TRIM61: variants seen among roughly 807,000 people sequenced by gnomAD.
The protein encoded by TRIM61 is putative tripartite motif-containing protein 61.
A neutral mutation model predicts 14.2 loss-of-function variants in TRIM61; 1 was observed. That is an observed-to-expected ratio of 0.07 (90% CI 0.03 to 0.33). TRIM61 has a LOEUF of 0.33. Ranked by LOEUF, TRIM61 falls within the 10% of genes least tolerant of loss-of-function variation. TRIM61 has a pLI of 0.99. For synonymous variants in TRIM61, 8 were observed against 71.6 expected (o/e 0.11, Z 4.49); for missense variants, 19 against 202.2 (o/e 0.09, Z 5.49).
Position 164,957,444 on chromosome 4 carries a change from G to A in TRIM61, c.526-2348C>T, listed in dbSNP as rs762241013. 38 of 1,614,054 alleles carry A rather than the reference G, an allele frequency of 2.4e-5. 1 individual carries two copies. The East Asian group carries it at 8.2e-4, about 35-fold the overall frequency. On this transcript the variant is annotated intron_variant, in intron 3 of 4. Coordinates refer to ENST00000329314, the MANE Select transcript of TRIM61 (RefSeq NM_001012414.3). Reference sequence around the variant, plus strand: ...CAGCCTCTTTTTGTGACAAGGACTAGAGGGTTTGGGTCTGCAGTGGGCTGG... The same window carrying A: ...CAGCCTCTTTTTGTGACAAGGACTAAAGGGTTTGGGTCTGCAGTGGGCTGG...
intron 3 of TRIM61, among the ~76,000 whole-genome samples, chr4:164,960,272 C>T (rs192936714): frequency 1.4e-4 from 21 of 152,132 alleles, no homozygotes; most frequent in African/African-American, 4.8e-4. Context: ...GGGCTGGACA[C>T]GATGGTTCAT....
At chr4:164,974,901 G>A (rs1732448718) in intron 2 of TRIM61, among the ~76,000 whole-genome samples, 1 of 152,050 alleles carries the variant, frequency 6.6e-6, no homozygotes, top group Non-Finnish European at 1.5e-5. Flanking sequence ...TGCATAGGGT[G>A]CTCAGAGATT....
At chr4:164,955,978 G>T (rs1027802739) in intron 3 of TRIM61, among the ~76,000 whole-genome samples, 3 of 152,212 alleles carry the variant, frequency 2.0e-5, no homozygotes, top group African/African-American at 7.2e-5. Context: ...CGGGGAGGCG[G>T]CTCAAAGAAA....
chr4:164,971,046 A>C (rs1560887323), intron 2 of TRIM61, among the ~76,000 whole-genome samples: 2 of 152,134 alleles, frequency 1.3e-5, no homozygotes, highest in Non-Finnish European at 2.9e-5. Flanking sequence ...TGTGGCAGTG[A>C]GCTGAGATTG....
chr4:164,962,092 T>G (rs7656863), intron 3 of TRIM61, among the ~76,000 whole-genome samples: 29,824 of 152,068 alleles, frequency 0.2, 3,586 homozygotes, highest in East Asian at 0.61. Context: ...CTGTACTGTA[T>G]GTGGTCAGTG....
chr4:164,973,573 C>CT (rs1383408442), intron 2 of TRIM61, among the ~76,000 whole-genome samples: 2 of 152,224 alleles, frequency 1.3e-5, no homozygotes, highest in Non-Finnish European at 2.9e-5. Context: ...TCATCCAACT[C>CT]TAACACTTAG....
At chr4:164,958,933 T>G (rs1732073024) in intron 3 of TRIM61, 1 of 167,080 alleles carries the variant, frequency 6.0e-6, no homozygotes, top group Non-Finnish European at 1.5e-5. Context: ...ACTGAGAATT[T>G]AGGTCTCTCG....
At chr4:164,975,409 T>C (rs2111154997) in intron 2 of TRIM61, among the ~76,000 whole-genome samples, 1 of 152,286 alleles carries the variant, frequency 6.6e-6, no homozygotes, top group South Asian at 2.1e-4. Context: ...ACTGTGTGTC[T>C]ATGCAGAAAG....
At chr4:164,957,334 G>C (rs754268850) in intron 3 of TRIM61, 5 of 1,614,068 alleles carry the variant, frequency 3.1e-6, no homozygotes, top group South Asian at 2.2e-5. Flanking sequence ...GCAGCATTCC[G>C]GCTGTCACGC....
chr4:164,963,367 A>G (rs376220341), intron 3 of TRIM61, among the ~76,000 whole-genome samples: 1 of 152,190 alleles, frequency 6.6e-6, no homozygotes, highest in East Asian at 1.9e-4. Flanking sequence ...AACGCAAAAT[A>G]AGCATTCTTT....
intron 3 of TRIM61, among the ~76,000 whole-genome samples, chr4:164,965,345 G>A (rs1732215361): frequency 6.6e-6 from 1 of 151,534 alleles, no homozygotes; most frequent in African/African-American, 2.4e-5. Flanking sequence ...CCTGGAGCTT[G>A]AATTTATCCA....
chr4:164,976,819 A>C lies in TRIM61; in HGVS notation c.-469T>G, dbSNP rs1732494204. 1 of 152,134 alleles carries C rather than the reference A, an allele frequency of 6.6e-6. No individual in the cohort carries two copies. Among genetic ancestry groups the C allele is most frequent in the African/African-American group, 2.4e-5 (1 of 41,418 alleles). 9.4% of individuals were successfully genotyped at this position (152,134 alleles called of 1,614,324 possible). A position where few individuals can be genotyped will look rare whatever the true frequency, so the allele number is the denominator to read the frequency against. ...CTGGCCTGCGGACTGTACTTTGTGA[A>C]CCTATGCTTTAAGGAAAACAAAGCA... On this transcript the variant is annotated 5_prime_UTR_variant, in exon 2 of 5. Transcript: ENST00000329314.
In TRIM61 at chr4:164,966,164, C is replaced by T. The variant is rs140582223; in HGVS notation, c.525+3314G>A. 2.4e-4 allele frequency among the ~76,000 whole-genome samples: 36 copies of T among 152,204 alleles called. No individual in the cohort carries two copies. The East Asian group carries it at 6.9e-3, about 29-fold the overall frequency. On this transcript the variant is annotated intron_variant, in intron 3 of 4. Transcript: ENST00000329314. Reference sequence around the variant, plus strand: ...AAAATGAATTCAGAAAACTAGACAACTGCAGGGGACAGTTTGGGAATGAAT... The same window carrying T: ...AAAATGAATTCAGAAAACTAGACAATTGCAGGGGACAGTTTGGGAATGAAT...
chr4:164,975,174 G>A (rs1405027613), intron 2 of TRIM61, among the ~76,000 whole-genome samples: 1 of 151,492 alleles, frequency 6.6e-6, no homozygotes, highest in African/African-American at 2.4e-5. Context: ...AGGTTGCAGT[G>A]AGCTGAGATG....
At chr4:164,973,305 C>T (rs954555363) in intron 2 of TRIM61, among the ~76,000 whole-genome samples, 2 of 152,182 alleles carry the variant, frequency 1.3e-5, no homozygotes, top group Admixed American at 1.3e-4. Flanking sequence ...TCCAACATTA[C>T]GCTAATTGGC....
chr4:164,958,878 A>G (rs1348394809), intron 3 of TRIM61: 1 of 167,104 alleles, frequency 6.0e-6, no homozygotes, highest in African/African-American at 2.4e-5. Flanking sequence ...CATAACTGTA[A>G]TATGTCTAAT....
At chr4:164,954,803 A>T (rs1731943494) in intron 4 of TRIM61, 1 of 153,502 alleles carries the variant, frequency 6.5e-6, no homozygotes, top group Non-Finnish European at 1.5e-5. Flanking sequence ...GCTGTTTTAT[A>T]TTTACTTAAA....
intron 2 of TRIM61, among the ~76,000 whole-genome samples, chr4:164,970,972 G>A (rs1732351842): frequency 1.3e-5 from 2 of 152,238 alleles, no homozygotes; most frequent in South Asian, 4.1e-4. Context: ...ATGGTGGCAT[G>A]TGCCTGTAAT....
intron 3 of TRIM61, among the ~76,000 whole-genome samples, chr4:164,965,107 G>A (rs1469091683): frequency 6.6e-6 from 1 of 152,114 alleles, no homozygotes; most frequent in Non-Finnish European, 1.5e-5. Context: ...GGCCAACATG[G>A]TGAAACCCCG....
Sources: gnomAD v4.1 joint callset for allele counts (sites outside exome capture counted in the v4.1 genomes callset) on GRCh38, gnomAD v4.1.1 for gene constraint, MANE v1.5 for transcripts, NCBI Gene and HGNC (gene_info 2026-07-23, HGNC 2026-07-21) for gene names.